HIVEP3: variants seen among roughly 807,000 people sequenced by gnomAD.
The protein encoded by HIVEP3 is transcription factor HIVEP3.
A neutral mutation model predicts 152.8 loss-of-function variants in HIVEP3; 49 were observed. That is an observed-to-expected ratio of 0.32 (90% CI 0.26 to 0.41). The LOEUF is 0.41. Among genes scored for constraint, HIVEP3 ranks in the 10% least tolerant of loss-of-function variants. The probability of loss-of-function intolerance (pLI) is 1.00; values close to 1 mark genes in which losing one functional copy is unlikely to be tolerated. For missense variants in HIVEP3, 2,790 were observed against 3,103.3 expected (o/e 0.90, Z 2.40); for synonymous variants, 1,269 against 1,289.0 (o/e 0.98, Z 0.33).
intron 5 of HIVEP3, among the ~76,000 whole-genome samples, chr1:41,567,177 T>C (rs762497149): frequency 4.4e-4 from 67 of 152,258 alleles, no homozygotes; most frequent in Middle Eastern, 3.4e-3. Context: ...ATCTACTCAG[T>C]GGTTACTACA....
intron 5 of HIVEP3, among the ~76,000 whole-genome samples, chr1:41,527,045 CT>C: frequency 4.6e-5 from 2 of 43,086 alleles, no homozygotes; most frequent in Admixed American, 2.3e-4. Flanking sequence ...CTCACACACC[CT>C]CTTCCTCACA....
rs1032489838 is a variant in HIVEP3 at position 41,664,588 on chromosome 1, T to C, written c.-720-35641A>G. Among the ~76,000 whole-genome samples the C allele has an allele frequency of 6.6e-6, 1 of 152,172 alleles. No individual in the cohort carries two copies. The highest frequency in any genetic ancestry group is 1.5e-5 in the Non-Finnish European group (1 of 68,030). On this transcript the variant is annotated intron_variant, in intron 2 of 8. Transcript: ENST00000372583. This position sits in a 1 kb window ranked among gnomAD's most constrained non-coding sequence, Gnocchi z 4.4. ...ACTTTCCATCTTGATCCCTCTCCCCTCCCAGGACTGATAAGTTTACAAATG... is the reference window on the plus strand; with the variant it reads ...ACTTTCCATCTTGATCCCTCTCCCCCCCCAGGACTGATAAGTTTACAAATG...
chr1:41,909,778 T>G (rs747366933), intron 1 of HIVEP3, among the ~76,000 whole-genome samples: 4 of 152,054 alleles, frequency 2.6e-5, no homozygotes, highest in Non-Finnish European at 5.9e-5. Flanking sequence ...ATGAGGCAAT[T>G]AAGTTAGAAA....
At chr1:41,562,587 C>T (rs1204972773) in intron 5 of HIVEP3, among the ~76,000 whole-genome samples, 1 of 94,726 alleles carries the variant, frequency 1.1e-5, no homozygotes, top group African/African-American at 3.4e-5. Context: ...TCCTTCCTTC[C>T]TTCCTTCCTT....
At position 41,533,032 on chromosome 1, in the gene HIVEP3, A is replaced by G. The variant is rs1266707278; in HGVS notation, c.5208-8122T>C. ...TAGCCAAGAGGAGAGGGTTTAGAGG[A>G]GGAGGGGCCCATGGCTGGACATCCC... On this transcript the variant is annotated intron_variant, in intron 5 of 8. Coordinates refer to ENST00000372583, the MANE Select transcript of HIVEP3 (RefSeq NM_024503.5). This position sits in a 1 kb window ranked among gnomAD's most constrained non-coding sequence, Gnocchi z 4.3. 6.6e-6 allele frequency among the ~76,000 whole-genome samples: 1 copy of G among 152,176 alleles called. No individual in the cohort carries two copies. Among genetic ancestry groups the G allele is most frequent in the Non-Finnish European group, 1.5e-5 (1 of 68,026 alleles).
intron 1 of HIVEP3, among the ~76,000 whole-genome samples, chr1:41,718,295 G>A (rs897245254): frequency 6.6e-6 from 1 of 152,236 alleles, no homozygotes; most frequent in Non-Finnish European, 1.5e-5. Flanking sequence ...ACAGGCTTAG[G>A]CCAGACAGAC....
chr1:41,683,974 T>C (rs1460931251), intron 2 of HIVEP3, among the ~76,000 whole-genome samples: 1 of 152,230 alleles, frequency 6.6e-6, no homozygotes, highest in Non-Finnish European at 1.5e-5. Context: ...CTCAGATGAC[T>C]ATCAGTTCCT....
At chr1:41,733,135 T>C (rs1340513523) in intron 1 of HIVEP3, among the ~76,000 whole-genome samples, 1 of 149,860 alleles carries the variant, frequency 6.7e-6, no homozygotes, top group African/African-American at 2.6e-5. Context: ...CCAGGTCTTT[T>C]CTGTCATTGC....
At chr1:41,967,728 A>C (rs576578011) in intron 1 of HIVEP3, among the ~76,000 whole-genome samples, 2 of 152,192 alleles carry the variant, frequency 1.3e-5, no homozygotes, top group South Asian at 2.1e-4. Context: ...GAGACACACA[A>C]AAAAAACCCT....
At chr1:41,972,878 T>A (rs773526590) in intron 1 of HIVEP3, among the ~76,000 whole-genome samples, 1 of 152,080 alleles carries the variant, frequency 6.6e-6, no homozygotes, top group South Asian at 2.1e-4. Flanking sequence ...AAAATAATAA[T>A]TATTATTTTG....
chr1:41,974,486 T>TAC (rs66882363), intron 1 of HIVEP3, among the ~76,000 whole-genome samples: 20,514 of 134,088 alleles, frequency 0.15, 1,624 homozygotes, highest in Admixed American at 0.23. Context: ...CTCCACCCCC[T>TAC]ACACACACAC....
intron 3 of HIVEP3, among the ~76,000 whole-genome samples, chr1:41,587,726 T>C (rs549279214): frequency 6.6e-6 from 1 of 152,282 alleles, no homozygotes; most frequent in Non-Finnish European, 1.5e-5. Context: ...GCTAGAAAGG[T>C]GATATGATTT....
intron 1 of HIVEP3, among the ~76,000 whole-genome samples, chr1:41,791,906 C>A (rs529010192): frequency 6.6e-6 from 1 of 152,082 alleles, no homozygotes; most frequent in African/African-American, 2.4e-5. Context: ...GGCATCACAC[C>A]CTTCCCCCTC....
At chr1:41,923,065 T>G (rs1644949749), upstream of HIVEP3, among the ~76,000 whole-genome samples, 1 of 152,194 alleles carries the variant, frequency 6.6e-6, no homozygotes. Context: ...AATATATACT[T>G]TAATGCTACA....
chr1:41,583,001 C>T lies in HIVEP3; in HGVS notation c.1797G>A (p.Gly599=), dbSNP rs776850461. The T allele has an allele frequency of 1.2e-6, 2 of 1,613,908 alleles. No homozygotes were observed. The highest frequency in any genetic ancestry group is 1.7e-6 in the Non-Finnish European group (2 of 1,180,020). ...RQPAIELPLG[G]EYSSEEPGPS... ...GGCCAGGCTCCTCAGAACTGTATTC[C>T]CCTCCCAAAGGTAATTCGATTGCCG... The change falls in exon 4 of 9, where the codon GGG becomes GGA. Residue 599 remains glycine (G), a synonymous_variant. Transcript: ENST00000372583. The surrounding 1 kb of genome is among the most constrained non-coding windows in gnomAD (Gnocchi z 6.9).
At chr1:41,638,282 G>GAAAGAAAGAA (rs759889312) in intron 2 of HIVEP3, among the ~76,000 whole-genome samples, 1 of 146,646 alleles carries the variant, frequency 6.8e-6, no homozygotes, top group Non-Finnish European at 1.5e-5. Context: ...AAGAAAGAAA[G>GAAAGAAAGAA]AGGAAGGAAG....
rs1186566079 is a variant in HIVEP3 at position 41,601,138 on chromosome 1, A to C, written c.-521-15820T>G. On this transcript the variant is annotated intron_variant, in intron 3 of 8. Transcript: ENST00000372583. Reference sequence around the variant, plus strand: ...ATGTCTGTCTTTATGTCAGTACCATACTGTTTTGATTAGTGTAATTTTTTA... The same window carrying C: ...ATGTCTGTCTTTATGTCAGTACCATCCTGTTTTGATTAGTGTAATTTTTTA... Among the ~76,000 whole-genome samples the C allele has an allele frequency of 2.0e-5, 3 of 152,090 alleles. No homozygotes were observed. The East Asian group carries it at 5.8e-4, about 29-fold the overall frequency.
chr1:41,621,688 T>C (rs11801023), intron 3 of HIVEP3, among the ~76,000 whole-genome samples: 2,291 of 152,298 alleles, frequency 0.015, 69 homozygotes, highest in African/African-American at 0.052. Context: ...AAATTTTTTA[T>C]TTTTCTAGTT....
intron 1 of HIVEP3, among the ~76,000 whole-genome samples, chr1:41,858,804 A>G (rs899320591): frequency 6.6e-6 from 1 of 152,234 alleles, no homozygotes; most frequent in Non-Finnish European, 1.5e-5. Context: ...GATGGACCAG[A>G]CCAGCAGCTC....
Sources: gnomAD v4.1 joint callset for allele counts (sites outside exome capture counted in the v4.1 genomes callset) on GRCh38, gnomAD v4.1.1 for gene constraint, Gnocchi (gnomAD v3.1) non-coding constraint, MANE v1.5 for transcripts, NCBI Gene and HGNC (gene_info 2026-07-23, HGNC 2026-07-21) for gene names.